The following MACROD2 variants were observed in gnomAD, a reference collection of about 807,000 sequenced individuals.
The protein encoded by MACROD2 is mono-ADP ribosylhydrolase 2, also known as ADP-ribose glycohydrolase MACROD2.
Under a neutral mutation model 70.4 loss-of-function variants are expected in MACROD2, and 36 were observed. That is an observed-to-expected ratio of 0.51 (90% CI 0.39 to 0.68). The LOEUF is 0.68. MACROD2 is among the 30% of genes least tolerant of loss of function. The pLI is 0.00. For missense variants in MACROD2, 496 were observed against 538.4 expected (o/e 0.92, Z 0.78); for synonymous variants, 172 against 178.8 (o/e 0.96, Z 0.30).
chr20:15,736,098 A>G (rs201961400), intron 8 of MACROD2, among the ~76,000 whole-genome samples: 9 of 152,192 alleles, frequency 5.9e-5, no homozygotes, highest in East Asian at 3.9e-4. Context: ...TTTCTGTTCA[A>G]TGGAAATTAT....
chr20:15,269,080 G>A (rs1487919412), intron 6 of MACROD2, among the ~76,000 whole-genome samples: 1 of 152,226 alleles, frequency 6.6e-6, no homozygotes, highest in South Asian at 2.1e-4. Context: ...GACTGAACAT[G>A]TGGTTCAGAT....
At chr20:15,153,166 G>A (rs1213638439) in intron 5 of MACROD2, among the ~76,000 whole-genome samples, 1 of 152,062 alleles carries the variant, frequency 6.6e-6, no homozygotes, top group Admixed American at 6.5e-5. Context: ...GTGTGTCCAT[G>A]TGAAGAGACC....
At chr20:15,770,871 C>A (rs970787772) in intron 8 of MACROD2, among the ~76,000 whole-genome samples, 1 of 152,112 alleles carries the variant, frequency 6.6e-6, no homozygotes, top group African/African-American at 2.4e-5. Flanking sequence ...TGGCCAAACA[C>A]CCAAGCACAC....
At chr20:15,411,796 A>G (rs997955319) in intron 6 of MACROD2, among the ~76,000 whole-genome samples, 6 of 152,222 alleles carry the variant, frequency 3.9e-5, no homozygotes, top group African/African-American at 4.8e-5. Context: ...TTTCCAACCC[A>G]TAATCCCCCT....
chr20:14,705,096 A>C (rs935719559), intron 5 of MACROD2, among the ~76,000 whole-genome samples: 1 of 152,106 alleles, frequency 6.6e-6, no homozygotes, highest in South Asian at 2.1e-4. Context: ...TATGTGTGAC[A>C]AGAGCAATTA....
intron 17 of MACROD2, among the ~76,000 whole-genome samples, chr20:16,046,321 A>G (rs2067380620): frequency 7.5e-6 from 1 of 133,752 alleles, no homozygotes; most frequent in African/African-American, 2.6e-5. Flanking sequence ...ACATGTTCTT[A>G]TAAACATTTC....
intron 5 of MACROD2, among the ~76,000 whole-genome samples, chr20:15,093,716 A>G (rs1250236402): frequency 6.6e-6 from 1 of 152,214 alleles, no homozygotes; most frequent in East Asian, 1.9e-4. Context: ...CATTCTGATG[A>G]CATATACTTC....
intron 4 of MACROD2, among the ~76,000 whole-genome samples, chr20:14,651,739 A>G (rs899537862): frequency 1.3e-5 from 2 of 152,106 alleles, no homozygotes; most frequent in African/African-American, 4.8e-5. Flanking sequence ...ATTTGGCTTC[A>G]CTTGTCTCCA....
At chr20:15,826,817 CAT>C (rs566920722) in intron 8 of MACROD2, among the ~76,000 whole-genome samples, 10 of 152,160 alleles carry the variant, frequency 6.6e-5, no homozygotes, top group Non-Finnish European at 1.2e-4. Context: ...TTACTTCTAC[CAT>C]ATGTGTTTGC....
chr20:14,847,630 A>G (rs1199619925), intron 5 of MACROD2, among the ~76,000 whole-genome samples: 1 of 146,844 alleles, frequency 6.8e-6, no homozygotes, highest in Non-Finnish European at 1.5e-5. Flanking sequence ...TGGTAAGATG[A>G]CAGTCCCCCC....
intron 8 of MACROD2, among the ~76,000 whole-genome samples, chr20:15,820,213 G>A (rs528633380): frequency 8.0e-4 from 121 of 152,096 alleles, no homozygotes; most frequent in Admixed American, 6.3e-3. Flanking sequence ...GGGTGGGGGC[G>A]AGGACAGGGT....
intron 5 of MACROD2, among the ~76,000 whole-genome samples, chr20:14,978,110 C>T (rs1004496653): frequency 5.9e-5 from 9 of 152,038 alleles, no homozygotes; most frequent in South Asian, 2.1e-4. Context: ...ACCTAGAACC[C>T]GGTGGTCTTG....
At position 14,768,219 on chromosome 20, in the gene MACROD2, C is replaced by T. The variant is rs149195265; in HGVS notation, c.418+83260C>T. Among the ~76,000 whole-genome samples the T allele has an allele frequency of 7.1e-3, 1,085 of 152,212 alleles. 10 individuals carry two copies. Among genetic ancestry groups the T allele is most frequent in the Non-Finnish European group, 0.012 (814 of 68,038 alleles). ...GATCCTTGAGGAATCACCACACTGT[C>T]TTCCACAATGGCTGAAGTAATTTAC... On this transcript the variant is annotated intron_variant, in intron 5 of 17. Coordinates refer to ENST00000684519, the MANE Select transcript of MACROD2 (RefSeq NM_001351661.2).
intron 15 of MACROD2, among the ~76,000 whole-genome samples, chr20:16,012,854 C>A (rs2066881159): frequency 6.6e-6 from 1 of 152,062 alleles, no homozygotes; most frequent in Admixed American, 6.6e-5. Flanking sequence ...CCTCTAGGAG[C>A]ATTAATTAAA....
At chr20:14,753,379 A>C (rs934361437) in intron 5 of MACROD2, among the ~76,000 whole-genome samples, 1 of 152,132 alleles carries the variant, frequency 6.6e-6, no homozygotes, top group East Asian at 1.9e-4. Flanking sequence ...GACCTGGTAC[A>C]TAAAATATGT....
intron 6 of MACROD2, among the ~76,000 whole-genome samples, chr20:15,268,100 T>C (rs1450416086): frequency 6.6e-6 from 1 of 152,070 alleles, no homozygotes; most frequent in Non-Finnish European, 1.5e-5. Context: ...CAGAATAATA[T>C]ATATTCAAGA....
intron 2 of MACROD2, among the ~76,000 whole-genome samples, chr20:14,066,019 CTT>C (rs1471306168): frequency 1.3e-5 from 2 of 152,128 alleles, no homozygotes; most frequent in African/African-American, 4.8e-5. Context: ...GTTCAAAGGT[CTT>C]TTGCAAAAGT....
At chr20:15,050,830 T>C (rs2075434172) in intron 5 of MACROD2, among the ~76,000 whole-genome samples, 1 of 151,864 alleles carries the variant, frequency 6.6e-6, no homozygotes, top group Admixed American at 6.6e-5. Flanking sequence ...TGATGTAAGG[T>C]TGAATGCATA....
intron 2 of MACROD2, chr20:14,051,856 G>C (rs1233669326): frequency 2.3e-4 from 117 of 503,538 alleles, no homozygotes; most frequent in Non-Finnish European, 2.5e-4. Context: ...TGAGGAGATG[G>C]ATATGATCCT....
Sources: allele counts gnomAD v4.1 joint callset (sites outside exome capture counted in the v4.1 genomes callset), GRCh38; gene constraint gnomAD v4.1.1; transcripts MANE v1.5; gene names NCBI Gene and HGNC (gene_info 2026-07-23, HGNC 2026-07-21).